CNTN6: variants seen among roughly 807,000 people sequenced by gnomAD.
CNTN6 encodes the protein contactin 6.
In CNTN6, 137 loss-of-function variants were observed where a neutral mutation model predicts 122.8. The observed-to-expected ratio is 1.12, with a 90% confidence interval of 0.97 to 1.29. The LOEUF (loss-of-function observed/expected upper bound fraction) is 1.29. Ranked by LOEUF, CNTN6 falls within the 50% of genes most tolerant of loss-of-function variation. The probability of loss-of-function intolerance (pLI) is 0.00; values close to 1 mark genes in which losing one functional copy is unlikely to be tolerated. For synonymous variants in CNTN6, 570 were observed against 426.0 expected (o/e 1.34, Z -4.16); for missense variants, 1,634 against 1,223.4 (o/e 1.34, Z -5.01).
At chr3:1,393,539 C>G (rs529486843) in intron 20 of CNTN6, among the ~76,000 whole-genome samples, 23 of 134,946 alleles carry the variant, frequency 1.7e-4, no homozygotes, top group African/African-American at 4.9e-4. Flanking sequence ...CACATGTACC[C>G]TAAAACTTAA....
intron 7 of CNTN6, among the ~76,000 whole-genome samples, chr3:1,300,498 GAA>G (rs775206743): frequency 2.5e-3 from 241 of 95,420 alleles, no homozygotes; most frequent in Non-Finnish European, 3.5e-3. Flanking sequence ...GAAGGAAAAA[GAA>G]AAGAAAGAGA....
chr3:1,219,471 A>G (rs1405845957), intron 2 of CNTN6, among the ~76,000 whole-genome samples: 1 of 152,220 alleles, frequency 6.6e-6, no homozygotes, highest in Non-Finnish European at 1.5e-5. Flanking sequence ...TGATTTTTAA[A>G]GCCAATTTTT....
At chr3:1,113,453 G>A (rs2091574694) in intron 1 of CNTN6, among the ~76,000 whole-genome samples, 1 of 152,158 alleles carries the variant, frequency 6.6e-6, no homozygotes, top group Non-Finnish European at 1.5e-5. Flanking sequence ...TGAAAAATGT[G>A]AGACTGGGAG....
At chr3:1,159,884 G>A (rs190658236) in intron 2 of CNTN6, among the ~76,000 whole-genome samples, 6 of 151,862 alleles carry the variant, frequency 4.0e-5, no homozygotes, top group East Asian at 1.9e-4. Context: ...ACAGTGGCGC[G>A]GTCTCAGCTC....
At chr3:1,161,678 G>A (rs2093135430) in intron 2 of CNTN6, among the ~76,000 whole-genome samples, 1 of 151,048 alleles carries the variant, frequency 6.6e-6, no homozygotes, top group Admixed American at 6.6e-5. Context: ...AGTATGCCAT[G>A]TTTTGCAGAT....
At chr3:1,218,283 T>C (rs2094155936) in intron 2 of CNTN6, among the ~76,000 whole-genome samples, 1 of 151,936 alleles carries the variant, frequency 6.6e-6, no homozygotes. Flanking sequence ...GAGTCTGGTG[T>C]TGGAGCCAAG....
intron 12 of CNTN6, among the ~76,000 whole-genome samples, chr3:1,360,790 A>C (rs1461825258): frequency 6.6e-6 from 1 of 151,932 alleles, no homozygotes; most frequent in African/African-American, 2.4e-5. Context: ...TTCACTTACA[A>C]ATTTACTATA....
chr3:1,266,213 A>G (rs1484674656), intron 4 of CNTN6, among the ~76,000 whole-genome samples: 3 of 152,156 alleles, frequency 2.0e-5, no homozygotes, highest in African/African-American at 7.2e-5. Context: ...CCCTTTATCT[A>G]AACCATAATG....
At chr3:1,330,505 G>T (rs1355800153) in intron 11 of CNTN6, among the ~76,000 whole-genome samples, 1 of 151,830 alleles carries the variant, frequency 6.6e-6, no homozygotes, top group African/African-American at 2.4e-5. Context: ...AAAAAGACGG[G>T]TGTTTTTCTC....
chr3:1,095,121 A>G (rs1035725983), intron 1 of CNTN6, among the ~76,000 whole-genome samples: 8 of 152,032 alleles, frequency 5.3e-5, no homozygotes, highest in African/African-American at 1.7e-4. Flanking sequence ...TTTAGATAAT[A>G]TAGTCAATAA....
intron 2 of CNTN6, among the ~76,000 whole-genome samples, chr3:1,203,876 A>G (rs4684806): frequency 0.35 from 52,591 of 152,056 alleles, 9,647 homozygotes; most frequent in African/African-American, 0.48. Flanking sequence ...TTCTATGTAT[A>G]GATATGTTTC....
At chr3:1,238,894 G>A (rs1321496236) in intron 4 of CNTN6, among the ~76,000 whole-genome samples, 1 of 152,096 alleles carries the variant, frequency 6.6e-6, no homozygotes, top group Non-Finnish European at 1.5e-5. Flanking sequence ...GACTGTTAGT[G>A]AGATTAACCA....
At chr3:1,146,187 A>G (rs1280677416) in intron 1 of CNTN6, among the ~76,000 whole-genome samples, 4 of 152,282 alleles carry the variant, frequency 2.6e-5, no homozygotes, top group African/African-American at 9.6e-5. Context: ...CAACATTCTC[A>G]ATTATGATCT....
At chr3:1,378,507 G>T (rs1182654176) in intron 17 of CNTN6, among the ~76,000 whole-genome samples, 1 of 152,068 alleles carries the variant, frequency 6.6e-6, no homozygotes, top group Non-Finnish European at 1.5e-5. Context: ...GACATTATAG[G>T]CCTAGCACAG....
chr3:1,290,157 A>G (rs1176840462), intron 5 of CNTN6, among the ~76,000 whole-genome samples: 2 of 152,194 alleles, frequency 1.3e-5, no homozygotes, highest in African/African-American at 2.4e-5. Context: ...GTTCTGATGC[A>G]TGGTGAAGTT....
intron 8 of CNTN6, 87 bp downstream of exon 8, chr3:1,321,921 A>C: frequency 8.5e-7 from 1 of 1,178,546 alleles, no homozygotes; most frequent in South Asian, 1.6e-5. Context: ...TGTTGTGAAA[A>C]AGTGTCACGG....
rs531457945 is a variant in CNTN6, at chr3:1,100,684, C to T, written c.-83+7564C>T. On this transcript the variant is annotated intron_variant, in intron 1 of 22. Coordinates refer to ENST00000446702, the MANE Select transcript of CNTN6 (RefSeq NM_001289080.2). ...GCATTTCTTTCATTTTCTAGTGTTGCAGTCAGTGTAATTTCTACCAATCTG... is the reference window on the plus strand; with the variant it reads ...GCATTTCTTTCATTTTCTAGTGTTGTAGTCAGTGTAATTTCTACCAATCTG... 4.6e-5 allele frequency among the ~76,000 whole-genome samples: 7 copies of T among 152,184 alleles called. No individual in the cohort carries two copies. In the South Asian group the frequency reaches 8.3e-4, roughly 18 times the overall value.
At chr3:1,329,957 A>G in intron 11 of CNTN6, 22 bp downstream of exon 11, 6 of 1,501,294 alleles carry the variant, frequency 4.0e-6, no homozygotes, top group Non-Finnish European at 5.3e-6. Context: ...TTTATTTTTA[A>G]AAATATTTTT....
intron 10 of CNTN6, among the ~76,000 whole-genome samples, chr3:1,327,791 C>T (rs1422531577): frequency 6.6e-6 from 1 of 151,740 alleles, no homozygotes; most frequent in African/African-American, 2.4e-5. Context: ...GAAAAAAACC[C>T]ACCATTGGGT....
Sources: gnomAD v4.1 joint callset for allele counts (sites outside exome capture counted in the v4.1 genomes callset) on GRCh38, gnomAD v4.1.1 for gene constraint, MANE v1.5 for transcripts, NCBI Gene and HGNC (gene_info 2026-07-23, HGNC 2026-07-21) for gene names.